Variants in GSG1L observed in about 807,000 individuals in gnomAD.
GSG1L encodes germ cell-specific gene 1-like protein.
A neutral mutation model predicts 42.1 loss-of-function variants in GSG1L; 24 were observed. The observed-to-expected ratio is 0.57, with a 90% confidence interval of 0.41 to 0.80. GSG1L has a LOEUF of 0.80. Among genes scored for constraint, GSG1L ranks in the 30% least tolerant of loss-of-function variants. The pLI is 0.00. For missense variants in GSG1L, 445 were observed against 472.2 expected, an observed-to-expected ratio of 0.94 and a Z score of 0.53; for synonymous variants, 215 against 203.5, an observed-to-expected ratio of 1.06 and a Z score of -0.48.
At position 27,790,437 on chromosome 16, in the gene GSG1L, C is replaced by T. The variant is rs1316123920; in HGVS notation, c.*933G>A. 2.6e-5 allele frequency: 4 copies of T among 152,182 alleles called. No individual in the cohort carries two copies. The highest frequency in any genetic ancestry group is 9.7e-5 in the African/African-American group (4 of 41,430). 9.4% of individuals were successfully genotyped at this position (152,182 alleles called of 1,614,324 possible). A position where few individuals can be genotyped will look rare whatever the true frequency, so the allele number is the denominator to read the frequency against. ...TAGCTCTGTAATCACAGGCAAGTTA[C>T]TTCATTCATCTCTGTGACCCTAATT... On this transcript the variant is annotated 3_prime_UTR_variant, in exon 7 of 7. Coordinates refer to ENST00000447459, the MANE Select transcript of GSG1L (RefSeq NM_001109763.2).
chr16:28,043,610 A>G (rs1041043198), intron 1 of GSG1L, among the ~76,000 whole-genome samples: 9 of 152,254 alleles, frequency 5.9e-5, no homozygotes, highest in Non-Finnish European at 1.3e-4. Context: ...GGAGAAAAGT[A>G]CACTTAAAAT....
At chr16:28,052,326 G>C (rs1482466425) in intron 1 of GSG1L, among the ~76,000 whole-genome samples, 2 of 151,608 alleles carry the variant, frequency 1.3e-5, no homozygotes, top group Non-Finnish European at 2.9e-5. Flanking sequence ...ATTGGGTCTC[G>C]CTATGTTGCC....
intron 5 of GSG1L, among the ~76,000 whole-genome samples, chr16:27,814,196 C>T (rs185395885): frequency 2.0e-5 from 3 of 152,174 alleles, no homozygotes; most frequent in East Asian, 1.9e-4. Flanking sequence ...ACTGTAACCT[C>T]GACCTTCTGG....
chr16:27,985,517 C>T (rs8058153), intron 1 of GSG1L, among the ~76,000 whole-genome samples: 107,345 of 151,960 alleles, frequency 0.71, 38,585 homozygotes, highest in South Asian at 0.89. Context: ...GCCTGCAGAA[C>T]CATGAGCCAA....
intron 1 of GSG1L, among the ~76,000 whole-genome samples, chr16:28,053,560 A>C (rs2086242944): frequency 6.6e-6 from 1 of 152,170 alleles, no homozygotes. Flanking sequence ...TGAGGCCTCA[A>C]GGAGTCACTT....
chr16:27,792,174 C>T (rs1275714479), intron 6 of GSG1L, among the ~76,000 whole-genome samples: 1 of 152,128 alleles, frequency 6.6e-6, no homozygotes, highest in Non-Finnish European at 1.5e-5. Context: ...CTTGAGCACC[C>T]CATTTGCCTT....
At chr16:27,849,792 C>G (rs540439650) in intron 3 of GSG1L, among the ~76,000 whole-genome samples, 3 of 152,158 alleles carry the variant, frequency 2.0e-5, no homozygotes, top group Admixed American at 6.5e-5. Context: ...GCCCAAAGCA[C>G]TGGGATTACA....
At chr16:27,791,980 G>A (rs539481137) in intron 6 of GSG1L, among the ~76,000 whole-genome samples, 13 of 151,728 alleles carry the variant, frequency 8.6e-5, no homozygotes, top group South Asian at 2.1e-4. Context: ...CTGCAGTCAC[G>A]TTCACTCACC....
At chr16:27,941,191 A>T (rs981663941) in intron 2 of GSG1L, among the ~76,000 whole-genome samples, 1 of 152,168 alleles carries the variant, frequency 6.6e-6, no homozygotes, top group African/African-American at 2.4e-5. Context: ...TCAAAGGATA[A>T]TATCAAGACA....
chr16:27,911,649 C>T (rs1042238318), intron 2 of GSG1L, among the ~76,000 whole-genome samples: 2 of 152,122 alleles, frequency 1.3e-5, no homozygotes, highest in Non-Finnish European at 2.9e-5. Flanking sequence ...ACCTGCTGTT[C>T]TGCTGTTTGG....
At chr16:27,932,630 C>T (rs2084669262) in intron 2 of GSG1L, among the ~76,000 whole-genome samples, 1 of 152,152 alleles carries the variant, frequency 6.6e-6, no homozygotes. Context: ...CAGTCATCTG[C>T]AGCAGGCCCC....
intron 1 of GSG1L, among the ~76,000 whole-genome samples, chr16:28,008,125 G>T (rs1488003632): frequency 6.6e-6 from 1 of 152,048 alleles, no homozygotes; most frequent in Non-Finnish European, 1.5e-5. Flanking sequence ...TGTCACCCAG[G>T]CTGGAGTGCA....
chr16:27,865,638 T>A (rs1486108091), intron 3 of GSG1L, among the ~76,000 whole-genome samples: 3 of 146,676 alleles, frequency 2.0e-5, no homozygotes, highest in African/African-American at 2.5e-5. Flanking sequence ...TGTGTGTATA[T>A]ATGTGTGTGT....
At chr16:28,036,674 C>A (rs2086041901) in intron 1 of GSG1L, among the ~76,000 whole-genome samples, 1 of 152,174 alleles carries the variant, frequency 6.6e-6, no homozygotes, top group African/African-American at 2.4e-5. Context: ...TTCTGGGAGA[C>A]CCAGCCAGGT....
chr16:27,902,146 C>T (rs183664859), intron 2 of GSG1L, among the ~76,000 whole-genome samples: 4 of 152,288 alleles, frequency 2.6e-5, no homozygotes, highest in East Asian at 1.9e-4. Flanking sequence ...GTCCAGCACC[C>T]GCTCCGGGAA....
At chr16:27,964,242 A>T (rs2085104090) in intron 1 of GSG1L, among the ~76,000 whole-genome samples, 1 of 151,710 alleles carries the variant, frequency 6.6e-6, no homozygotes, top group Non-Finnish European at 1.5e-5. Flanking sequence ...AGGCAGGAGA[A>T]TTGCTTGAAC....
At chr16:27,851,490 CT>C (rs1248679289) in intron 3 of GSG1L, among the ~76,000 whole-genome samples, 4 of 152,136 alleles carry the variant, frequency 2.6e-5, no homozygotes, top group African/African-American at 9.7e-5. Context: ...CCCCTGTGCC[CT>C]GCTGGATCTG....
intron 2 of GSG1L, among the ~76,000 whole-genome samples, chr16:27,935,020 T>C (rs73519089): frequency 0.053 from 8,098 of 152,228 alleles, 728 homozygotes; most frequent in African/African-American, 0.19. Flanking sequence ...TGTGAACGCA[T>C]AAAACGAGAT....
At chr16:27,820,136 G>C (rs1483234437) in intron 5 of GSG1L, among the ~76,000 whole-genome samples, 1 of 152,126 alleles carries the variant, frequency 6.6e-6, no homozygotes, top group Non-Finnish European at 1.5e-5. Context: ...TGAATATCAT[G>C]AATGAGTCTT....
Sources: allele counts gnomAD v4.1 joint callset (sites outside exome capture counted in the v4.1 genomes callset), GRCh38; gene constraint gnomAD v4.1.1; transcripts MANE v1.5; gene names NCBI Gene and HGNC (gene_info 2026-07-23, HGNC 2026-07-21).